FAM117A: variants seen among roughly 807,000 people sequenced by gnomAD.
FAM117A encodes the protein protein FAM117A.
In FAM117A, 21 loss-of-function variants were observed where a neutral mutation model predicts 44.1. The ratio of observed to expected loss-of-function variants is 0.48; its 90% CI spans 0.34 to 0.69. FAM117A has a LOEUF of 0.69. Ranked by LOEUF, FAM117A falls within the 30% of genes least tolerant of loss-of-function variation. The pLI is 0.01. For missense variants in FAM117A, 498 were observed against 589.9 expected (o/e 0.84, Z 1.61); for synonymous variants, 220 against 238.3 (o/e 0.92, Z 0.71).
intron 4 of FAM117A, 49 bp downstream of exon 4, chr17:49,720,277 G>C (rs760218442): frequency 7.0e-7 from 1 of 1,428,876 alleles, no homozygotes; most frequent in South Asian, 1.2e-5. Flanking sequence ...ATATAGGGGG[G>C]CCTGCATGGA....
intron 1 of FAM117A, among the ~76,000 whole-genome samples, chr17:49,787,172 G>A (rs910230524): frequency 1.3e-5 from 2 of 152,228 alleles, no homozygotes; most frequent in Admixed American, 6.5e-5. Flanking sequence ...CTTACCACCA[G>A]TTGGGGAGCC....
intron 1 of FAM117A, among the ~76,000 whole-genome samples, chr17:49,774,850 TA>T (rs1004901438): frequency 2.0e-5 from 3 of 151,798 alleles, no homozygotes; most frequent in South Asian, 2.1e-4. Context: ...TGTTTCTTCT[TA>T]AAAAAAAATT....
intron 2 of FAM117A, among the ~76,000 whole-genome samples, chr17:49,728,682 A>G (rs1272728827): frequency 3.3e-5 from 5 of 152,178 alleles, no homozygotes; most frequent in African/African-American, 1.2e-4. Context: ...GCACAGCAAG[A>G]AGGGAAAGGG....
chr17:49,753,595 C>T (rs113212265), intron 1 of FAM117A, among the ~76,000 whole-genome samples: 3,783 of 152,228 alleles, frequency 0.025, 150 homozygotes, highest in African/African-American at 0.085. Context: ...GCGGTTGGAC[C>T]ACCTGAGGTC....
At chr17:49,773,559 A>T (rs1243613204) in intron 1 of FAM117A, 1 of 152,082 alleles carries the variant, frequency 6.6e-6, no homozygotes, top group African/African-American at 2.4e-5. Flanking sequence ...ATTCTTATTA[A>T]ATTTTATTTT....
intron 1 of FAM117A, among the ~76,000 whole-genome samples, chr17:49,745,032 AACAC>A (rs1262092763): frequency 1.3e-4 from 19 of 147,414 alleles, no homozygotes; most frequent in Non-Finnish European, 9.0e-5. Context: ...AAAAAAAAAA[AACAC>A]ACACACACAC....
chr17:49,739,110 C>T (rs1598027136), intron 1 of FAM117A, among the ~76,000 whole-genome samples: 2 of 152,288 alleles, frequency 1.3e-5, no homozygotes, highest in South Asian at 4.1e-4. Flanking sequence ...ACTGGGCTGG[C>T]TCTCCCTCTG....
intron 1 of FAM117A, among the ~76,000 whole-genome samples, chr17:49,749,401 C>A (rs1032257340): frequency 6.6e-6 from 1 of 151,652 alleles, no homozygotes; most frequent in South Asian, 2.1e-4. Flanking sequence ...ATGGTGAAAC[C>A]CCATCTCTAC....
At chr17:49,716,068 C>A (rs1315263668) in intron 7 of FAM117A, 97 bp downstream of exon 7, 3 of 1,374,216 alleles carry the variant, frequency 2.2e-6, no homozygotes, top group Non-Finnish European at 3.0e-6. Context: ...CTAAAGTTGA[C>A]AACACCTCTA....
chr17:49,748,396 T>C (rs1348491170), intron 1 of FAM117A, among the ~76,000 whole-genome samples: 1 of 152,142 alleles, frequency 6.6e-6, no homozygotes, highest in Non-Finnish European at 1.5e-5. Flanking sequence ...AACAGGAATT[T>C]GAGGGCAGCC....
At chr17:49,782,860 T>C (rs545877671) in intron 1 of FAM117A, among the ~76,000 whole-genome samples, 3 of 152,292 alleles carry the variant, frequency 2.0e-5, no homozygotes, top group Admixed American at 2.0e-4. Flanking sequence ...TGTACATACT[T>C]GTCCTAAATT....
At chr17:49,751,560 CAG>C (rs1280750542) in intron 1 of FAM117A, among the ~76,000 whole-genome samples, 1 of 151,304 alleles carries the variant, frequency 6.6e-6, no homozygotes, top group Non-Finnish European at 1.5e-5. Context: ...AGCCTGGCAA[CAG>C]AGTGAGACTC....
At position 49,764,114 on chromosome 17, in the gene FAM117A, C is replaced by G. The variant is rs2143789141; in HGVS notation, c.-27G>C. On this transcript the variant is annotated 5_prime_UTR_variant, in exon 1 of 8. Transcript: ENST00000240364. ...GCTCTCCCGGCTGCCTGCCTCAGCC[C>G]CACTGCGAGACTCACACAGCCCCCC... 3 of 1,218,202 alleles carry G rather than the reference C, an allele frequency of 2.5e-6. No individual in the cohort carries two copies. The highest frequency in any genetic ancestry group is 6.0e-5 in the East Asian group (2 of 33,570). The allele number at this position is 1,218,202 out of a possible 1,614,324, so 75.5% of individuals were successfully genotyped here. A position where few individuals can be genotyped will look rare whatever the true frequency, so the allele number is the denominator to read the frequency against.
intron 2 of FAM117A, among the ~76,000 whole-genome samples, chr17:49,726,993 A>T (rs2073562921): frequency 6.6e-6 from 1 of 151,898 alleles, no homozygotes; most frequent in Non-Finnish European, 1.5e-5. Flanking sequence ...AAAAAAGGAA[A>T]AAAGAAAAAG....
At chr17:49,756,912 G>C (rs1317654379) in intron 1 of FAM117A, among the ~76,000 whole-genome samples, 2 of 111,902 alleles carry the variant, frequency 1.8e-5, no homozygotes, top group Admixed American at 1.9e-4. Context: ...ATGAGACTCT[G>C]CCTCAAAAAA....
At chr17:49,720,231 G>T in intron 4 of FAM117A, 95 bp downstream of exon 4, 1 of 962,216 alleles carries the variant, frequency 1.0e-6, no homozygotes. Flanking sequence ...TGTGGTAGGG[G>T]GCTCGGCAGT....
intron 2 of FAM117A, among the ~76,000 whole-genome samples, chr17:49,729,973 C>T (rs1024852823): frequency 6.6e-6 from 1 of 152,148 alleles, no homozygotes; most frequent in Admixed American, 6.5e-5. Flanking sequence ...GAAAGGAACA[C>T]CAGTTACTTA....
intron 1 of FAM117A, among the ~76,000 whole-genome samples, chr17:49,783,782 G>C (rs1337490995): frequency 1.3e-5 from 2 of 152,204 alleles, no homozygotes; most frequent in Admixed American, 6.5e-5. Flanking sequence ...GAAGTTATGA[G>C]ATTGACCTGG....
At chr17:49,760,252 C>T (rs1317190629) in intron 1 of FAM117A, among the ~76,000 whole-genome samples, 1 of 152,156 alleles carries the variant, frequency 6.6e-6, no homozygotes, top group South Asian at 2.1e-4. Context: ...TTTCTTTACC[C>T]CCTTAGAATT....
Sources: gnomAD v4.1 joint callset for allele counts (sites outside exome capture counted in the v4.1 genomes callset) on GRCh38, gnomAD v4.1.1 for gene constraint, MANE v1.5 for transcripts, NCBI Gene and HGNC (gene_info 2026-07-23, HGNC 2026-07-21) for gene names.